ERC1: variants seen among roughly 807,000 people sequenced by gnomAD.
The protein encoded by ERC1 is ELKS/RAB6-interacting/CAST family member 1.
Under a neutral mutation model 132.0 loss-of-function variants are expected in ERC1, and 56 were observed. That is an observed-to-expected ratio of 0.42 (90% CI 0.34 to 0.53). The LOEUF (loss-of-function observed/expected upper bound fraction) is 0.53, where lower values mean the gene tolerates loss of function less well. ERC1 is among the 20% of genes least tolerant of loss of function. The pLI is 0.03. For missense variants in ERC1, 1,202 were observed against 1,349.9 expected, an observed-to-expected ratio of 0.89 and a Z score of 1.72; for synonymous variants, 478 against 476.1, an observed-to-expected ratio of 1.00 and a Z score of -0.05.
intron 2 of ERC1, among the ~76,000 whole-genome samples, chr12:1,082,921 T>C (rs1449759962): frequency 6.6e-6 from 1 of 152,250 alleles, no homozygotes; most frequent in Non-Finnish European, 1.5e-5. Flanking sequence ...TTGTAGTTTA[T>C]GCAAAGTGAG....
In ERC1 at chr12:1,494,767, G is replaced by T. The variant is rs908033592; in HGVS notation, c.*4537G>T. 4.3e-6 allele frequency: 1 copy of T among 230,428 alleles called. No individual in the cohort carries two copies. The highest frequency in any genetic ancestry group is 8.6e-6 in the Non-Finnish European group (1 of 116,380). The allele number at this position is 230,428 out of a possible 1,614,324, so 14.3% of individuals were successfully genotyped here. Reference sequence around the variant, plus strand: ...TTGGGGCAGTTACATTGTGTCTGTTGTTGAGATTATTAAAAGATTAAAACG... The same window carrying T: ...TTGGGGCAGTTACATTGTGTCTGTTTTTGAGATTATTAAAAGATTAAAACG... On this transcript the variant is annotated 3_prime_UTR_variant, in exon 19 of 19. Transcript: ENST00000360905.
intron 2 of ERC1, among the ~76,000 whole-genome samples, chr12:1,029,150 C>A (rs4765692): frequency 6.6e-6 from 1 of 151,896 alleles, no homozygotes; most frequent in African/African-American, 2.4e-5. Flanking sequence ...GTCAGGAGTT[C>A]GAGACCAGCC....
chr12:1,007,540 C>CTCTCTCTCTCTG (rs1555194875), intron 1 of ERC1, among the ~76,000 whole-genome samples: 5 of 122,710 alleles, frequency 4.1e-5, no homozygotes, highest in African/African-American at 1.1e-4. Context: ...CTCTCTCTCT[C>CTCTCTCTCTCTG]TGTGTGTGTG....
At chr12:1,321,036 A>G (rs900754211) in intron 15 of ERC1, among the ~76,000 whole-genome samples, 6 of 152,220 alleles carry the variant, frequency 3.9e-5, no homozygotes, top group African/African-American at 1.4e-4. Context: ...AGGAAGATGT[A>G]AAACAGTATG....
Position 1,028,144 on chromosome 12 carries a change from G to A in ERC1, c.241G>A (p.Gly81Ser), listed in dbSNP as rs1967215302. The A allele has an allele frequency of 1.9e-6, 3 of 1,614,060 alleles. No individual in the cohort carries two copies. Among genetic ancestry groups the A allele is most frequent in the Non-Finnish European group, 2.5e-6 (3 of 1,180,050 alleles). ...PMYLSDHENVGSETPKSTMTL... is the reference protein window; with the variant it reads ...PMYLSDHENVSSETPKSTMTL... ...GTATCTAAGTGACCATGAAAATGTG[G>A]GTTCAGAAACACCTAAAAGCACCAT... is the stretch of plus-strand genomic sequence containing the variant. Residue 81 changes from glycine to serine, a missense_variant, in exon 2 of 19, where the codon GGT becomes AGT. Coordinates refer to ENST00000360905, the MANE Select transcript of ERC1 (RefSeq NM_178040.4).
intron 12 of ERC1, among the ~76,000 whole-genome samples, chr12:1,224,560 G>A (rs572845077): frequency 6.6e-6 from 1 of 152,076 alleles, no homozygotes; most frequent in South Asian, 2.1e-4. Context: ...TATCTAGTCT[G>A]ATATAGGCAA....
At position 1,490,949 on chromosome 12, in the gene ERC1, T is replaced by A. The variant is rs2094312832; in HGVS notation, c.*719T>A. ...AACAAGAAGATGGTGTGAGGTGTTC[T>A]CCACCAGTCTCTCCTGTTTGAGACT... On this transcript the variant is annotated 3_prime_UTR_variant, in exon 19 of 19. Coordinates refer to ENST00000360905, the MANE Select transcript of ERC1 (RefSeq NM_178040.4). 4.3e-6 allele frequency: 1 copy of A among 232,792 alleles called. No individual in the cohort carries two copies. 14.4% of individuals were successfully genotyped at this position (232,792 alleles called of 1,614,324 possible).
At chr12:1,029,430 G>A (rs942745044) in intron 2 of ERC1, among the ~76,000 whole-genome samples, 2 of 152,168 alleles carry the variant, frequency 1.3e-5, no homozygotes, top group African/African-American at 4.8e-5. Context: ...ATTCATGGAA[G>A]TTTAACTTCA....
At chr12:1,014,212 G>A (rs1592698398) in intron 1 of ERC1, among the ~76,000 whole-genome samples, 1 of 151,754 alleles carries the variant, frequency 6.6e-6, no homozygotes, top group Non-Finnish European at 1.5e-5. Context: ...GTTTCACTCT[G>A]TTTCCCATGC....
rs2094351967 is a variant in ERC1, at chr12:1,495,835, A to C, written c.*5605A>C. Reference sequence around the variant, plus strand: ...ATTACAAAGAAATTGTGTTATATTCAACTTTGCCTTGATAATTATTGTAAA... The same window carrying C: ...ATTACAAAGAAATTGTGTTATATTCCACTTTGCCTTGATAATTATTGTAAA... On this transcript the variant is annotated 3_prime_UTR_variant, in exon 19 of 19. Transcript: ENST00000360905. The C allele has an allele frequency of 9.7e-6, 2 of 206,148 alleles. No homozygotes were observed. The highest frequency in any genetic ancestry group is 9.9e-6 in the Non-Finnish European group (1 of 101,010). The allele number at this position is 206,148 out of a possible 1,614,324, so 12.8% of individuals were successfully genotyped here.
intron 7 of ERC1, among the ~76,000 whole-genome samples, chr12:1,123,419 T>C (rs1456795766): frequency 6.6e-6 from 1 of 151,966 alleles, no homozygotes; most frequent in Non-Finnish European, 1.5e-5. Flanking sequence ...TAGATCAAAA[T>C]GAAAATATAA....
intron 1 of ERC1, among the ~76,000 whole-genome samples, chr12:1,008,105 G>A (rs1400184118): frequency 6.6e-6 from 1 of 152,128 alleles, no homozygotes; most frequent in Non-Finnish European, 1.5e-5. Context: ...GTTACCCAGG[G>A]ATTCTGCTAG....
chr12:1,137,185 G>A (rs1285286937), intron 7 of ERC1, among the ~76,000 whole-genome samples: 4 of 143,928 alleles, frequency 2.8e-5, no homozygotes, highest in South Asian at 4.5e-4. Flanking sequence ...TGCAACCTCC[G>A]AATCCCTGGT....
intron 1 of ERC1, among the ~76,000 whole-genome samples, chr12:1,027,259 T>C (rs1967047899): frequency 6.6e-6 from 1 of 152,274 alleles, no homozygotes; most frequent in South Asian, 2.1e-4. Flanking sequence ...GACCAGTTTG[T>C]TGAGTTCTGT....
At chr12:1,073,269 C>A (rs1940740668) in intron 2 of ERC1, among the ~76,000 whole-genome samples, 1 of 151,594 alleles carries the variant, frequency 6.6e-6, no homozygotes, top group Non-Finnish European at 1.5e-5. Context: ...CCACTGCACT[C>A]CAGCCTAGCG....
intron 8 of ERC1, among the ~76,000 whole-genome samples, chr12:1,169,984 T>C (rs758741178): frequency 3.9e-5 from 6 of 152,198 alleles, no homozygotes; most frequent in Non-Finnish European, 8.8e-5. Flanking sequence ...TGCTAAGATT[T>C]CTTGGACTGT....
intron 12 of ERC1, among the ~76,000 whole-genome samples, chr12:1,232,018 C>G (rs563739090): frequency 6.6e-6 from 1 of 152,318 alleles, no homozygotes; most frequent in African/African-American, 2.4e-5. Context: ...GGATTACAGG[C>G]ATGAACCACT....
intron 12 of ERC1, among the ~76,000 whole-genome samples, chr12:1,190,362 CTT>C (rs1465845935): frequency 1.3e-5 from 2 of 152,116 alleles, no homozygotes; most frequent in Non-Finnish European, 2.9e-5. Context: ...CAAATGTCTA[CTT>C]TTTAATTTCT....
chr12:1,145,367 A>G (rs1950257657), intron 8 of ERC1, among the ~76,000 whole-genome samples: 1 of 150,024 alleles, frequency 6.7e-6, no homozygotes, highest in Non-Finnish European at 1.5e-5. Flanking sequence ...TTCTTTTGAG[A>G]ACTGTCTATT....
Sources: allele counts gnomAD v4.1 joint callset (sites outside exome capture counted in the v4.1 genomes callset), GRCh38; gene constraint gnomAD v4.1.1; transcripts MANE v1.5; gene names NCBI Gene and HGNC (gene_info 2026-07-23, HGNC 2026-07-21).